MYO1B: variants seen among roughly 807,000 people sequenced by gnomAD.
The protein encoded by MYO1B is myosin IB.
In MYO1B, 72 loss-of-function variants were observed where a neutral mutation model predicts 159.7. The observed-to-expected ratio is 0.45, with a 90% CI of 0.37 to 0.55. MYO1B has a LOEUF of 0.55. Ranked by LOEUF, MYO1B falls within the 20% of genes least tolerant of loss-of-function variation. The probability of loss-of-function intolerance (pLI) is 0.00; values close to 1 mark genes in which losing one functional copy is unlikely to be tolerated. For synonymous variants in MYO1B, 468 were observed against 473.8 expected (o/e 0.99, Z 0.16); for missense variants, 1,062 against 1,364.8 (o/e 0.78, Z 3.50).
chr2:191,402,333 A>C, intron 23 of MYO1B: 1 of 384,320 alleles, frequency 2.6e-6, no homozygotes, highest in Non-Finnish European at 4.8e-6. Flanking sequence ...GAAGGCAGCG[A>C]ACAGAGAGAG....
In MYO1B at chr2:191,248,815, TAAC is replaced by T. The variant is rs150834032; in HGVS notation, c.-10+3194_-10+3196del. On this transcript the variant is annotated intron_variant, in intron 1 of 30. Transcript: ENST00000392318. ...TGTATGGTATGATGTATTTTAATAA[TAAC>T]AACAGTTTGATTATCTAGTTGGTTA... Among the ~76,000 whole-genome samples, 891 of 152,340 alleles carry T rather than the reference TAAC, an allele frequency of 5.8e-3. 14 individuals are homozygous for T. Among genetic ancestry groups the T allele is most frequent in the African/African-American group, 0.02 (821 of 41,578 alleles).
At chr2:191,245,916 TAC>T (rs1685757567) in intron 1 of MYO1B, 1 of 152,272 alleles carries the variant, frequency 6.6e-6, no homozygotes, top group Admixed American at 6.5e-5. Flanking sequence ...ATGCCTCTCG[TAC>T]CTGTGGGCAG....
chr2:191,371,536 A>AAGCTCCT (rs779995738), intron 13 of MYO1B, among the ~76,000 whole-genome samples: 5 of 152,134 alleles, frequency 3.3e-5, no homozygotes, highest in Admixed American at 6.5e-5. Flanking sequence ...TGAGAAAGTA[A>AAGCTCCT]AGCTCCTCAG....
chr2:191,385,354 C>A (rs1695338043), intron 15 of MYO1B, among the ~76,000 whole-genome samples: 1 of 152,170 alleles, frequency 6.6e-6, no homozygotes, highest in South Asian at 2.1e-4. Flanking sequence ...AAAGCAGCAT[C>A]TCAAATCACA....
At chr2:191,336,287 T>C (rs944953038) in intron 4 of MYO1B, among the ~76,000 whole-genome samples, 1 of 152,014 alleles carries the variant, frequency 6.6e-6, no homozygotes, top group African/African-American at 2.4e-5. Context: ...AATGACCTTA[T>C]GTATCTGCAG....
intron 11 of MYO1B, 132 bp from the exon 12 acceptor site, chr2:191,369,410 A>G: frequency 1.5e-6 from 1 of 664,286 alleles, no homozygotes; most frequent in Non-Finnish European, 2.5e-6. Context: ...TTTATGATAC[A>G]AGAAAACTGG....
intron 3 of MYO1B, 24 bp from the exon 4 acceptor site, chr2:191,329,911 A>T: frequency 6.3e-7 from 1 of 1,597,156 alleles, no homozygotes; most frequent in Non-Finnish European, 8.5e-7. Context: ...AGTCTAAGGA[A>T]TTTTTTTCCA....
chr2:191,353,385 A>G (rs1483150397), intron 7 of MYO1B, among the ~76,000 whole-genome samples: 3 of 152,244 alleles, frequency 2.0e-5, no homozygotes, highest in Admixed American at 6.5e-5. Context: ...CAGTTTAGAC[A>G]GTGGAGAACA....
At chr2:191,364,991 A>T (rs1185805517) in intron 11 of MYO1B, among the ~76,000 whole-genome samples, 1 of 150,608 alleles carries the variant, frequency 6.6e-6, no homozygotes, top group Non-Finnish European at 1.5e-5. Flanking sequence ...TACTTCTTGA[A>T]CCCCCTCTAC....
rs746233050 is a variant in MYO1B at position 191,393,173 on chromosome 2, T to C, written c.2177T>C (p.Leu726Pro). The change falls in exon 20 of 31, where the codon CTA becomes CCA. Residue 726 changes from leucine (L) to proline (P), a missense_variant. Transcript: ENST00000392318. ...TGGAAATGCCGCACACACTTCCTGC[T>C]AATGAAAAAAAGCCAAATTGTGATT... ...RGWKCRTHFL[L>P]MKKSQIVIAA... 2.5e-6 allele frequency: 4 copies of C among 1,614,094 alleles called. No individual in the cohort carries two copies. The highest frequency in any genetic ancestry group is 3.4e-6 in the Non-Finnish European group (4 of 1,179,988).
intron 2 of MYO1B, among the ~76,000 whole-genome samples, chr2:191,280,614 T>C (rs923805702): frequency 6.6e-6 from 1 of 152,210 alleles, no homozygotes; most frequent in African/African-American, 2.4e-5. Flanking sequence ...CCATTGACTG[T>C]GGCCCGGAGA....
chr2:191,252,281 A>G (rs999030121), intron 1 of MYO1B, among the ~76,000 whole-genome samples: 2 of 152,234 alleles, frequency 1.3e-5, no homozygotes, highest in African/African-American at 4.8e-5. Context: ...GTTGAGAGCT[A>G]TTCATAAAAA....
chr2:191,319,868 A>G (rs1690588460), intron 3 of MYO1B, among the ~76,000 whole-genome samples: 1 of 152,182 alleles, frequency 6.6e-6, no homozygotes, highest in Admixed American at 6.6e-5. Flanking sequence ...AAGGGGGACA[A>G]GATTAGGAAT....
intron 25 of MYO1B, 85 bp downstream of exon 25, chr2:191,408,274 C>G (rs1697050318): frequency 1.1e-6 from 1 of 901,102 alleles, no homozygotes; most frequent in African/African-American, 1.7e-5. Flanking sequence ...TGTGCCTTTT[C>G]CTAAATGACA....
At chr2:191,420,255 G>A (rs1259062288) in intron 30 of MYO1B, among the ~76,000 whole-genome samples, 2 of 152,062 alleles carry the variant, frequency 1.3e-5, no homozygotes, top group Non-Finnish European at 2.9e-5. Flanking sequence ...AGTTTATAAA[G>A]CAAAAAGTTA....
At chr2:191,248,553 A>G (rs1368898600) in intron 1 of MYO1B, among the ~76,000 whole-genome samples, 1 of 152,170 alleles carries the variant, frequency 6.6e-6, no homozygotes, top group Non-Finnish European at 1.5e-5. Flanking sequence ...GCTCGCTGCC[A>G]CTGCCCAGCA....
At chr2:191,398,552 G>T (rs1233775271) in intron 21 of MYO1B, among the ~76,000 whole-genome samples, 3 of 150,444 alleles carry the variant, frequency 2.0e-5, no homozygotes, top group African/African-American at 7.3e-5. Context: ...CTTCTCAGAC[G>T]GGGCGGCCGG....
intron 1 of MYO1B, among the ~76,000 whole-genome samples, chr2:191,272,970 A>G (rs1251013740): frequency 6.6e-6 from 1 of 152,202 alleles, no homozygotes; most frequent in Non-Finnish European, 1.5e-5. Context: ...AATAGAAAAT[A>G]CAACTCAAAC....
rs139801192 is a variant in MYO1B at position 191,263,403 on chromosome 2, T to A, written c.-9-13484T>A. ...AAGAAAAGTTGGTAAGCAGTTTTAATTTCTAAACCAGAGGGGCCTTATAAT... is the reference window on the plus strand; with the variant it reads ...AAGAAAAGTTGGTAAGCAGTTTTAAATTCTAAACCAGAGGGGCCTTATAAT... On this transcript the variant is annotated intron_variant, in intron 1 of 30. Coordinates refer to ENST00000392318, the MANE Select transcript of MYO1B (RefSeq NM_001130158.3). The A allele has an allele frequency of 5.8e-4, 518 of 898,898 alleles. 2 individuals carry two copies. In the African/African-American group the frequency reaches 8.6e-3, roughly 15 times the overall value. 55.7% of individuals were successfully genotyped at this position (898,898 alleles called of 1,614,324 possible). A position where few individuals can be genotyped will look rare whatever the true frequency, so the allele number is the denominator to read the frequency against.
Sources: gnomAD v4.1 joint callset for allele counts (sites outside exome capture counted in the v4.1 genomes callset) on GRCh38, gnomAD v4.1.1 for gene constraint, MANE v1.5 for transcripts, NCBI Gene and HGNC (gene_info 2026-07-23, HGNC 2026-07-21) for gene names.